Variants in ADAMTSL1 observed in about 807,000 individuals in gnomAD.
ADAMTSL1 encodes the protein ADAMTS-like protein 1.
Under a neutral mutation model 201.8 loss-of-function variants are expected in ADAMTSL1, and 126 were observed. The ratio of observed to expected loss-of-function variants is 0.62; its 90% CI spans 0.54 to 0.72. ADAMTSL1 has a LOEUF of 0.72. Among genes scored for constraint, ADAMTSL1 ranks in the 30% least tolerant of loss-of-function variants. ADAMTSL1 has a pLI of 0.00. For missense variants in ADAMTSL1, 2,679 were observed against 2,277.8 expected, an observed-to-expected ratio of 1.18 and a Z score of -3.59; for synonymous variants, 1,121 against 903.4, an observed-to-expected ratio of 1.24 and a Z score of -4.32.
intron 2 of ADAMTSL1, among the ~76,000 whole-genome samples, chr9:18,343,339 C>T (rs1835556555): frequency 6.6e-6 from 1 of 152,124 alleles, no homozygotes; most frequent in African/African-American, 2.4e-5. Flanking sequence ...CTTTCCTTTT[C>T]ACCCTCTCTC....
At chr9:18,532,173 T>G (rs1207248801) in intron 2 of ADAMTSL1, among the ~76,000 whole-genome samples, 2 of 152,168 alleles carry the variant, frequency 1.3e-5, no homozygotes, top group African/African-American at 4.8e-5. Flanking sequence ...GATTTAAGTG[T>G]CAGCATTGAA....
At chr9:18,578,265 T>C (rs1341598664) in intron 4 of ADAMTSL1, among the ~76,000 whole-genome samples, 3 of 152,200 alleles carry the variant, frequency 2.0e-5, no homozygotes, top group Non-Finnish European at 2.9e-5. Flanking sequence ...ATGAAAACAA[T>C]AGGTTTAATG....
chr9:18,269,376 G>A (rs1205038487), intron 2 of ADAMTSL1, among the ~76,000 whole-genome samples: 2 of 152,094 alleles, frequency 1.3e-5, no homozygotes, highest in African/African-American at 2.4e-5. Context: ...GGACCCATCT[G>A]CATGGATTTC....
intron 1 of ADAMTSL1, among the ~76,000 whole-genome samples, chr9:18,024,609 T>C (rs1820617514): frequency 6.6e-6 from 1 of 152,192 alleles, no homozygotes; most frequent in African/African-American, 2.4e-5. Context: ...TTCTTTTTTA[T>C]GGCCATATAG....
intron 23 of ADAMTSL1, 23 bp downstream of exon 23, chr9:18,830,000 T>A: frequency 6.3e-7 from 1 of 1,589,936 alleles, no homozygotes. Flanking sequence ...CTCGGAAACA[T>A]TGGGCAGAAA....
At chr9:18,302,794 A>G (rs549650679) in intron 2 of ADAMTSL1, among the ~76,000 whole-genome samples, 1 of 152,324 alleles carries the variant, frequency 6.6e-6, no homozygotes, top group African/African-American at 2.4e-5. Flanking sequence ...GAAAGTTTAT[A>G]ATGAGAAAGT....
At chr9:18,746,857 T>C (rs1415337259) in intron 15 of ADAMTSL1, among the ~76,000 whole-genome samples, 7 of 152,012 alleles carry the variant, frequency 4.6e-5, no homozygotes, top group Non-Finnish European at 1.0e-4. Context: ...TCATGGGTCG[T>C]TGATTACCCA....
At chr9:18,151,274 A>C (rs1351401868) in intron 1 of ADAMTSL1, among the ~76,000 whole-genome samples, 1 of 152,062 alleles carries the variant, frequency 6.6e-6, no homozygotes, top group Non-Finnish European at 1.5e-5. Flanking sequence ...GGGGGAGTAA[A>C]TGTCACCACC....
chr9:18,213,045 A>C (rs141383539), intron 2 of ADAMTSL1, among the ~76,000 whole-genome samples: 2 of 152,302 alleles, frequency 1.3e-5, no homozygotes, highest in Non-Finnish European at 2.9e-5. Flanking sequence ...ACTCAGCCTG[A>C]CTTAATGCAA....
At position 17,942,688 on chromosome 9, in the gene ADAMTSL1, A is replaced by G. The variant is rs573693508; in HGVS notation, c.87+35766A>G. 3.3e-5 allele frequency among the ~76,000 whole-genome samples: 5 copies of G among 152,158 alleles called. No homozygotes were observed. In the South Asian group the frequency reaches 6.2e-4, roughly 19 times the overall value. ...AACTCATGTGCCCTTGCTGCTCCCAACACCTGTGGAGTTTCAGCAGCCACT... is the reference window on the plus strand; with the variant it reads ...AACTCATGTGCCCTTGCTGCTCCCAGCACCTGTGGAGTTTCAGCAGCCACT... On this transcript the variant is annotated intron_variant, in intron 1 of 29. Coordinates refer to the ADAMTSL1 transcript ENST00000680146.
intron 6 of ADAMTSL1, among the ~76,000 whole-genome samples, chr9:18,637,854 C>T (rs890369979): frequency 5.9e-5 from 9 of 151,998 alleles, no homozygotes; most frequent in Non-Finnish European, 1.0e-4. Flanking sequence ...TTAGAGGTAC[C>T]TTGAGAAGGA....
chr9:17,988,751 T>C (rs1234543800), intron 1 of ADAMTSL1, among the ~76,000 whole-genome samples: 5 of 151,998 alleles, frequency 3.3e-5, no homozygotes, highest in Non-Finnish European at 7.4e-5. Context: ...TCTTTTCCTT[T>C]TTCAGAGGAA....
intron 2 of ADAMTSL1, among the ~76,000 whole-genome samples, chr9:18,191,475 C>T (rs773926009): frequency 6.6e-6 from 1 of 152,106 alleles, no homozygotes; most frequent in Non-Finnish European, 1.5e-5. Flanking sequence ...GAGGCATAAA[C>T]GTCAGAGAAG....
At chr9:18,886,164 G>GTGTATGTATA (rs66488956) in intron 23 of ADAMTSL1, among the ~76,000 whole-genome samples, 1 of 62,200 alleles carries the variant, frequency 1.6e-5, no homozygotes, top group Non-Finnish European at 3.4e-5. Context: ...GAGTGTGTAT[G>GTGTATGTATA]TGTATATATA....
In ADAMTSL1 at chr9:18,341,117, T is replaced by C. The variant is rs533423504; in HGVS notation, c.208-163712T>C. Among the ~76,000 whole-genome samples the C allele has an allele frequency of 4.6e-5, 7 of 152,248 alleles. 1 individual carries two copies. In the South Asian group the frequency reaches 1.4e-3, roughly 32 times the overall value. On this transcript the variant is annotated intron_variant, in intron 2 of 29. Transcript: ENST00000680146. Reference sequence around the variant, plus strand: ...GTCAGGAACACAAAATTGATCATTCTAGTCCCTATTTCAAACATCTTAGCA... The same window carrying C: ...GTCAGGAACACAAAATTGATCATTCCAGTCCCTATTTCAAACATCTTAGCA...
At position 18,269,473 on chromosome 9, in the gene ADAMTSL1, A is replaced by G. The variant is rs148455800; in HGVS notation, c.207+105492A>G. 2.9e-3 allele frequency among the ~76,000 whole-genome samples: 449 copies of G among 152,268 alleles called. 5 individuals carry two copies. Among genetic ancestry groups the G allele is most frequent in the East Asian group, 0.024 (126 of 5,186 alleles). On this transcript the variant is annotated intron_variant, in intron 2 of 29. Transcript: ENST00000680146. Reference sequence around the variant, plus strand: ...TAACACATCAAATAAAAACCTGACAATTGAACACTAGAAAAAAATACCAAA... The same window carrying G: ...TAACACATCAAATAAAAACCTGACAGTTGAACACTAGAAAAAAATACCAAA...
At chr9:18,111,981 A>G (rs1171754369) in intron 1 of ADAMTSL1, among the ~76,000 whole-genome samples, 1 of 152,216 alleles carries the variant, frequency 6.6e-6, no homozygotes, top group Non-Finnish European at 1.5e-5. Flanking sequence ...ACAGTTTCCC[A>G]ACAGGAGTCC....
chr9:17,971,127 G>A (rs1818191098), intron 1 of ADAMTSL1, among the ~76,000 whole-genome samples: 1 of 152,014 alleles, frequency 6.6e-6, no homozygotes, highest in African/African-American at 2.4e-5. Context: ...TGTTTGTTTT[G>A]TGAAGGTCAT....
Position 18,451,549 on chromosome 9 carries a change from A to C in ADAMTSL1, c.208-53280A>C, listed in dbSNP as rs372358842. 2.0e-5 allele frequency among the ~76,000 whole-genome samples: 3 copies of C among 152,342 alleles called. 1 individual carries two copies. The highest frequency in any genetic ancestry group is 7.2e-5 in the African/African-American group (3 of 41,576). On this transcript the variant is annotated intron_variant, in intron 2 of 29. Transcript: ENST00000680146. ...GCCACTTACATAAGCATTAGCTTAA[A>C]ATTTCTATTACTCAACCAGCTCTTG...
Sources: gnomAD v4.1 joint callset for allele counts (sites outside exome capture counted in the v4.1 genomes callset) on GRCh38, gnomAD v4.1.1 for gene constraint, MANE v1.5 for transcripts, NCBI Gene and HGNC (gene_info 2026-07-23, HGNC 2026-07-21) for gene names.